AGGF1: variants seen among roughly 807,000 people sequenced by gnomAD.
The protein encoded by AGGF1 is angiogenic factor with G patch and FHA domains 1.
A neutral mutation model predicts 86.5 loss-of-function variants in AGGF1; 56 were observed. That is an observed-to-expected ratio of 0.65 (90% CI 0.52 to 0.81). The LOEUF (loss-of-function observed/expected upper bound fraction) is 0.81, where lower values mean the gene tolerates loss of function less well. Among genes scored for constraint, AGGF1 ranks in the 30% least tolerant of loss-of-function variants. The pLI is 0.00. For missense variants in AGGF1, 816 were observed against 850.9 expected (o/e 0.96, Z 0.51); for synonymous variants, 313 against 297.1 (o/e 1.05, Z -0.55).
At chr5:77,047,760 T>G (rs1036912141) in intron 6 of AGGF1, among the ~76,000 whole-genome samples, 2 of 151,580 alleles carry the variant, frequency 1.3e-5, no homozygotes, top group African/African-American at 4.8e-5. Flanking sequence ...TCAGGTGATC[T>G]GCCTGCGTCG....
chr5:77,048,379 T>C (rs1269015913), intron 7 of AGGF1, 107 bp downstream of exon 7: 4 of 897,094 alleles, frequency 4.5e-6, no homozygotes, highest in African/African-American at 3.4e-5. Context: ...TGAGACAGAG[T>C]TGTGCTCTGT....
intron 10 of AGGF1, 108 bp downstream of exon 10, chr5:77,054,238 C>T: frequency 7.8e-7 from 1 of 1,281,110 alleles, no homozygotes; most frequent in Non-Finnish European, 1.1e-6. Context: ...TGATACGATA[C>T]TGCATTGAGA....
At position 77,030,888 on chromosome 5, in the gene AGGF1, G is replaced by T. The variant is rs1025027285; in HGVS notation, c.122G>T (p.Arg41Leu). The T allele has an allele frequency of 6.2e-7, 1 of 1,613,392 alleles. No individual in the cohort carries two copies. Among genetic ancestry groups the T allele is most frequent in the Non-Finnish European group, 8.5e-7 (1 of 1,180,004 alleles). Residue 41 changes from arginine to leucine, a missense_variant, in exon 1 of 14, where the codon CGG becomes CTG. Physicochemically the swap from Arg to Leu is moderately radical, Grantham distance 102. Around this residue, in one of 3 missense-constraint regions of AGGF1, gnomAD observed 240 missense variants for 234.4 expected, o/e 1.02. Coordinates refer to ENST00000312916, the MANE Select transcript of AGGF1 (RefSeq NM_018046.5). ...GAACGTGAACTGCGGAGCTGCAAGC[G>T]GCAGGTGCGGGAGATCGAGAAGCTG... The part of the protein sequence containing the change: ...KLERELRSCK[R>L]QVREIEKLLH...
chr5:77,052,887 T>G, intron 9 of AGGF1, 80 bp downstream of exon 9: 2 of 1,191,926 alleles, frequency 1.7e-6, no homozygotes, highest in Non-Finnish European at 2.5e-6. Context: ...GCATAATCTT[T>G]ATCATTTGGT....
rs535510955 is a variant in AGGF1 at position 77,058,191 on chromosome 5, T to A, written c.1717-1425T>A. ...TTGTACACTAACTATGTATGATTTA[T>A]TTATATTAATTATACCTCAATAAAG... On this transcript the variant is annotated intron_variant, in intron 11 of 13. Transcript: ENST00000312916. Among the ~76,000 whole-genome samples the A allele has an allele frequency of 3.3e-5, 5 of 152,336 alleles. No homozygotes were observed. The South Asian group carries it at 8.3e-4, about 25-fold the overall frequency.
chr5:77,056,108 A>G (rs547469895), intron 11 of AGGF1, among the ~76,000 whole-genome samples: 3 of 152,286 alleles, frequency 2.0e-5, no homozygotes, highest in African/African-American at 7.2e-5. Context: ...GTAGTATCAT[A>G]TTGGCATAAA....
intron 5 of AGGF1, among the ~76,000 whole-genome samples, chr5:77,045,211 AATT>A (rs1747222864): frequency 6.6e-6 from 1 of 152,198 alleles, no homozygotes; most frequent in African/African-American, 2.4e-5. Context: ...AATGGAAAAT[AATT>A]ATTTACTTTT....
At chr5:77,039,504 A>G in intron 4 of AGGF1, 27 bp from the exon 5 acceptor site, 2 of 1,559,502 alleles carry the variant, frequency 1.3e-6, no homozygotes, top group East Asian at 2.3e-5. Context: ...ACATGAATAG[A>G]ATTTATTTTT....
chr5:77,043,896 C>T (rs1347399150), intron 5 of AGGF1, among the ~76,000 whole-genome samples: 7 of 143,494 alleles, frequency 4.9e-5, no homozygotes, highest in Non-Finnish European at 1.1e-4. Flanking sequence ...CGTCACCTCC[C>T]AGACGGGGTC....
intron 9 of AGGF1, among the ~76,000 whole-genome samples, chr5:77,053,468 G>A (rs1747410855): frequency 1.3e-5 from 2 of 152,162 alleles, no homozygotes; most frequent in South Asian, 2.1e-4. Flanking sequence ...GCAGTGAGCC[G>A]AGATCACGCC....
At chr5:77,032,251 G>GT (rs1746868598) in intron 1 of AGGF1, among the ~76,000 whole-genome samples, 1 of 25,046 alleles carries the variant, frequency 4.0e-5, no homozygotes, top group Admixed American at 5.7e-4. Flanking sequence ...TACAAATATG[G>GT]TAAAAAAAAA....
intron 1 of AGGF1, 42 bp downstream of exon 1, chr5:77,031,018 C>T (rs758346140): frequency 1.9e-6 from 3 of 1,603,874 alleles, no homozygotes; most frequent in Admixed American, 1.7e-5. Context: ...CCAGCCCAGG[C>T]GAGGCCTTCG....
chr5:77,055,880 C>T (rs1033803264), intron 11 of AGGF1, among the ~76,000 whole-genome samples: 1 of 152,106 alleles, frequency 6.6e-6, no homozygotes, highest in African/African-American at 2.4e-5. Flanking sequence ...TTTGTAGTCC[C>T]TGGTACTTGG....
In AGGF1 at chr5:77,061,122, A is replaced by G. The variant is rs181616217; in HGVS notation, c.1845-581A>G. Among the ~76,000 whole-genome samples the G allele has an allele frequency of 2.4e-3, 365 of 152,340 alleles. 5 individuals carry two copies. Among genetic ancestry groups the G allele is most frequent in the African/African-American group, 8.3e-3 (347 of 41,568 alleles). ...ACACAAATTATAAGTATATAGCTCA[A>G]TGATACATCATAAGATTAACATATT... On this transcript the variant is annotated intron_variant, in intron 12 of 13. Transcript: ENST00000312916.
intron 13 of AGGF1, among the ~76,000 whole-genome samples, chr5:77,062,003 T>C (rs921531736): frequency 2.6e-5 from 4 of 152,214 alleles, no homozygotes; most frequent in African/African-American, 9.6e-5. Flanking sequence ...AAGCCTCTTT[T>C]TGAGTTTTTT....
intron 2 of AGGF1, 128 bp from the exon 3 acceptor site, chr5:77,035,412 CA>C: frequency 1.4e-6 from 1 of 707,890 alleles, no homozygotes. Context: ...AAAATTTGTA[CA>C]GTTGTAAAAA....
At chr5:77,039,237 A>G (rs1473055282) in intron 4 of AGGF1, among the ~76,000 whole-genome samples, 1 of 152,142 alleles carries the variant, frequency 6.6e-6, no homozygotes, top group African/African-American at 2.4e-5. Flanking sequence ...GTGGAACCAT[A>G]TGAAATTGCT....
rs930715067 is a variant in AGGF1 at position 77,039,255 on chromosome 5, A to G, written c.682-276A>G. Among the ~76,000 whole-genome samples, 4 of 152,126 alleles carry G rather than the reference A, an allele frequency of 2.6e-5. No individual in the cohort carries two copies. In the South Asian group the frequency reaches 8.3e-4, roughly 31 times the overall value. ...GAACCATATGAAATTGCTGTTTCTT[A>G]TAAGTTAAAAGTGGTCAAGTATTGA... On this transcript the variant is annotated intron_variant, in intron 4 of 13. Coordinates refer to ENST00000312916, the MANE Select transcript of AGGF1 (RefSeq NM_018046.5).
chr5:77,061,894 A>G, intron 13 of AGGF1, 92 bp downstream of exon 13: 4 of 1,216,376 alleles, frequency 3.3e-6, no homozygotes, highest in Non-Finnish European at 3.6e-6. Context: ...AGTGCTAAGA[A>G]TATAGTAGAA....
Sources: allele counts gnomAD v4.1 joint callset (sites outside exome capture counted in the v4.1 genomes callset), GRCh38; gene constraint gnomAD v4.1.1; regional missense constraint gnomAD v4.1.1; transcripts MANE v1.5; gene names NCBI Gene and HGNC (gene_info 2026-07-23, HGNC 2026-07-21).